The following EPB41L1 variants were observed in gnomAD, a reference collection of about 807,000 sequenced individuals.
EPB41L1 encodes the protein band 4.1-like protein 1.
Under a neutral mutation model 97.8 loss-of-function variants are expected in EPB41L1, and 29 were observed. The ratio of observed to expected loss-of-function variants is 0.30; its 90% CI spans 0.22 to 0.40. EPB41L1 has a LOEUF of 0.40. Among genes scored for constraint, EPB41L1 ranks in the 10% least tolerant of loss-of-function variants. The pLI is 1.00. For synonymous variants in EPB41L1, 383 were observed against 459.2 expected, an observed-to-expected ratio of 0.83 and a Z score of 2.12; for missense variants, 812 against 1,162.3, an observed-to-expected ratio of 0.70 and a Z score of 4.38.
intron 2 of EPB41L1, among the ~76,000 whole-genome samples, chr20:36,143,828 GTTTTCTTTTTCT>G (rs754628725): frequency 6.6e-6 from 1 of 151,442 alleles, no homozygotes; most frequent in Non-Finnish European, 1.5e-5. Context: ...CCGATAAAAG[GTTTTCTTTTTCT>G]TTTTCTTTTT....
intron 17 of EPB41L1, among the ~76,000 whole-genome samples, chr20:36,215,971 C>G (rs973031417): frequency 6.6e-6 from 1 of 152,174 alleles, no homozygotes; most frequent in Non-Finnish European, 1.5e-5. Flanking sequence ...GTTTTCACTT[C>G]TGTAAAATGG....
Position 36,175,697 on chromosome 20 carries a change from G to A in EPB41L1, c.324G>A (p.Glu108=). 6.2e-7 allele frequency: 1 copy of A among 1,614,028 alleles called. No individual in the cohort carries two copies. The highest frequency in any genetic ancestry group is 8.5e-7 in the Non-Finnish European group (1 of 1,180,014). The change falls in exon 3 of 22, where the codon GAG becomes GAA. Residue 108 remains glutamate (E), a synonymous_variant. Coordinates refer to ENST00000338074, the MANE Select transcript of EPB41L1 (RefSeq NM_012156.2). ...ICRVTLLDAS[E]YECEVEKHGR... ...GGGTCACTCTGCTTGATGCCTCGGA[G>A]TATGAGTGTGAGGTGGAGGTAGGGG...
At chr20:36,194,652 T>C (rs1287538606) in intron 12 of EPB41L1, among the ~76,000 whole-genome samples, 1 of 152,172 alleles carries the variant, frequency 6.6e-6, no homozygotes, top group Non-Finnish European at 1.5e-5. Context: ...TTGCACACTC[T>C]TAATTTGCCC....
chr20:36,156,279 A>G (rs1188470858), intron 1 of EPB41L1, among the ~76,000 whole-genome samples: 1 of 152,224 alleles, frequency 6.6e-6, no homozygotes, highest in East Asian at 1.9e-4. Context: ...ACCTCAAGGC[A>G]GTCCTGGAGG....
chr20:36,134,409 C>T (rs1013067523), intron 2 of EPB41L1, among the ~76,000 whole-genome samples: 3 of 152,234 alleles, frequency 2.0e-5, no homozygotes, highest in East Asian at 1.9e-4. Context: ...GGGTGGGATT[C>T]GATGGTATCC....
intron 2 of EPB41L1, among the ~76,000 whole-genome samples, chr20:36,141,216 C>T (rs968179452): frequency 1.3e-5 from 2 of 152,164 alleles, no homozygotes; most frequent in Admixed American, 6.5e-5. Context: ...TGTTGTGCTG[C>T]TGTACTTGCT....
chr20:36,189,295 AATCAG>A (rs1280993110), intron 9 of EPB41L1, among the ~76,000 whole-genome samples: 1 of 152,036 alleles, frequency 6.6e-6, no homozygotes, highest in Non-Finnish European at 1.5e-5. Flanking sequence ...AAGTCCCTTA[AATCAG>A]ATCATGGCAA....
intron 19 of EPB41L1, among the ~76,000 whole-genome samples, chr20:36,220,415 T>G (rs866671833): frequency 6.6e-6 from 1 of 152,054 alleles, no homozygotes; most frequent in Non-Finnish European, 1.5e-5. Flanking sequence ...GAGAAGCACA[T>G]GTAGGGGGTG....
At chr20:36,108,525 T>C (rs2058276941) in intron 1 of EPB41L1, among the ~76,000 whole-genome samples, 1 of 150,964 alleles carries the variant, frequency 6.6e-6, no homozygotes, top group Non-Finnish European at 1.5e-5. Flanking sequence ...AATGCAAAAA[T>C]TAGCCAAGCA....
At chr20:36,222,072 A>G in intron 20 of EPB41L1, 128 bp downstream of exon 20, 1 of 1,114,092 alleles carries the variant, frequency 9.0e-7, no homozygotes, top group Non-Finnish European at 1.4e-6. Context: ...CCCTGTTCAG[A>G]TAAGAAACCC....
At chr20:36,137,604 A>C (rs1313137228) in intron 2 of EPB41L1, among the ~76,000 whole-genome samples, 1 of 152,006 alleles carries the variant, frequency 6.6e-6, no homozygotes, top group East Asian at 1.9e-4. Context: ...GGCTCACGGC[A>C]ATCTCCGCCT....
At chr20:36,199,732 C>A (rs1319310411) in intron 14 of EPB41L1, among the ~76,000 whole-genome samples, 3 of 152,206 alleles carry the variant, frequency 2.0e-5, no homozygotes, top group South Asian at 2.1e-4. Context: ...TCCTCTTCTG[C>A]CCTTCAGCGT....
intron 14 of EPB41L1, chr20:36,205,736 A>C: frequency 9.0e-7 from 1 of 1,106,636 alleles, no homozygotes; most frequent in Non-Finnish European, 1.2e-6. Context: ...GTGCTGTCCC[A>C]AAGTCAAACA....
intron 2 of EPB41L1, among the ~76,000 whole-genome samples, chr20:36,120,271 G>A (rs908201938): frequency 3.3e-5 from 5 of 152,198 alleles, no homozygotes; most frequent in Admixed American, 6.5e-5. Context: ...ACTGAGGCAC[G>A]GAAAGGTGTC....
At chr20:36,178,293 G>A (rs1326323705) in intron 4 of EPB41L1, among the ~76,000 whole-genome samples, 1 of 152,134 alleles carries the variant, frequency 6.6e-6, no homozygotes, top group African/African-American at 2.4e-5. Context: ...AGAGTTGCTG[G>A]GGGAGCTGAG....
intron 2 of EPB41L1, among the ~76,000 whole-genome samples, chr20:36,113,455 T>TAC (rs1555830734): frequency 7.0e-6 from 1 of 143,012 alleles, no homozygotes; most frequent in South Asian, 2.2e-4. Context: ...TGTGTGTGTG[T>TAC]ACACATGTGT....
At chr20:36,184,861 T>C (rs903056752) in intron 6 of EPB41L1, among the ~76,000 whole-genome samples, 1 of 152,210 alleles carries the variant, frequency 6.6e-6, no homozygotes, top group Non-Finnish European at 1.5e-5. Flanking sequence ...GAAATTGAGT[T>C]AGAAATTGAA....
chr20:36,207,875 C>T lies in EPB41L1; in HGVS notation c.1669-1613C>T, dbSNP rs2062915665. 6 of 1,173,126 alleles carry T rather than the reference C, an allele frequency of 5.1e-6. No homozygotes were observed. Among genetic ancestry groups the T allele is most frequent in the Non-Finnish European group, 6.5e-6 (6 of 920,258 alleles). The allele number at this position is 1,173,126 out of a possible 1,614,324, so 72.7% of individuals were successfully genotyped here. On this transcript the variant is annotated intron_variant, in intron 14 of 21. Transcript: ENST00000338074. The surrounding 1 kb of genome is among the most constrained non-coding windows in gnomAD (Gnocchi z 4.9). Reference sequence around the variant, plus strand: ...AGTTTTTAGAAGCATGTTTCAGTGGCCCCTCGTCATTTCTGCAATCAGAGG... The same window carrying T: ...AGTTTTTAGAAGCATGTTTCAGTGGTCCCTCGTCATTTCTGCAATCAGAGG...
chr20:36,202,780 C>T (rs2062567988), intron 14 of EPB41L1, among the ~76,000 whole-genome samples: 1 of 146,622 alleles, frequency 6.8e-6, no homozygotes, highest in Admixed American at 6.9e-5. Flanking sequence ...CTCTGCACTC[C>T]AGCCTGGAAG....
Sources: allele counts gnomAD v4.1 joint callset (sites outside exome capture counted in the v4.1 genomes callset), GRCh38; gene constraint gnomAD v4.1.1; non-coding constraint Gnocchi (gnomAD v3.1); transcripts MANE v1.5; gene names NCBI Gene and HGNC (gene_info 2026-07-23, HGNC 2026-07-21).